The following DAB1 variants were observed in gnomAD, a reference collection of about 807,000 sequenced individuals.
DAB1 encodes the protein disabled homolog 1.
Under a neutral mutation model 64.6 loss-of-function variants are expected in DAB1, and 15 were observed. The ratio of observed to expected loss-of-function variants is 0.23; its 90% CI spans 0.16 to 0.36. The LOEUF (loss-of-function observed/expected upper bound fraction) is 0.36. DAB1 is among the 10% of genes least tolerant of loss of function. DAB1 has a pLI of 1.00. For synonymous variants in DAB1, 235 were observed against 251.9 expected (o/e 0.93, Z 0.64); for missense variants, 596 against 706.7 (o/e 0.84, Z 1.78).
intron 5 of DAB1, among the ~76,000 whole-genome samples, chr1:58,019,401 T>C (rs1045290321): frequency 6.6e-6 from 1 of 152,174 alleles, no homozygotes; most frequent in Non-Finnish European, 1.5e-5. Context: ...TACCTCATAA[T>C]AATGTGATCC....
At position 58,356,886 on chromosome 1, in the gene DAB1, ATGGTGGTGCATGCC is replaced by A. The variant is rs2100520777; in HGVS notation, n.258-13497_258-13484del. Among the ~76,000 whole-genome samples the A allele has an allele frequency of 1.3e-5, 2 of 151,962 alleles. 1 individual carries two copies. The highest frequency in any genetic ancestry group is 4.2e-4 in the South Asian group (2 of 4,800). On this transcript the variant is annotated intron_variant and non_coding_transcript_variant, in intron 3 of 20. Coordinates refer to the DAB1 transcript ENST00000485760. Reference sequence around the variant, plus strand: ...AAAAAATTTTAAAAATTAGCTGGGAATGGTGGTGCATGCCTGTAGTCCCAGCTACTCAGGAGCCT... The same window carrying A: ...AAAAAATTTTAAAAATTAGCTGGGAATGTAGTCCCAGCTACTCAGGAGCCT...
chr1:57,145,100 T>C (rs950249767), intron 3 of DAB1, among the ~76,000 whole-genome samples, 190 bp downstream of exon 3: 11 of 152,200 alleles, frequency 7.2e-5, no homozygotes, highest in African/African-American at 2.7e-4. Flanking sequence ...TATTTCCACA[T>C]AGTAGGTGCT....
At chr1:57,988,129 C>T (rs3558) in intron 5 of DAB1, among the ~76,000 whole-genome samples, 57,841 of 151,612 alleles carry the variant, frequency 0.38, 11,737 homozygotes, top group East Asian at 0.77. Flanking sequence ...GGAGGAGGTC[C>T]TGACCACATA....
At chr1:57,872,059 A>T (rs1369203086) in intron 1 of DAB1, among the ~76,000 whole-genome samples, 1 of 152,182 alleles carries the variant, frequency 6.6e-6, no homozygotes, top group Non-Finnish European at 1.5e-5. Context: ...CATAATCTAC[A>T]CTGTAGGATT....
intron 1 of DAB1, among the ~76,000 whole-genome samples, chr1:57,874,675 T>C (rs1367754070): frequency 6.6e-6 from 1 of 152,132 alleles, no homozygotes; most frequent in Non-Finnish European, 1.5e-5. Flanking sequence ...ATTTCTAACC[T>C]GTGAGTCAAA....
At chr1:57,153,119 G>A (rs1569617697) in intron 2 of DAB1, among the ~76,000 whole-genome samples, 3 of 152,048 alleles carry the variant, frequency 2.0e-5, no homozygotes, top group East Asian at 1.9e-4. Flanking sequence ...TCTGCCTCCC[G>A]GGTTCGAGCG....
In DAB1 at chr1:58,545,989, A is replaced by C. The variant is rs1056570204; in HGVS notation, n.32+714T>G. Among the ~76,000 whole-genome samples the C allele has an allele frequency of 8.5e-5, 13 of 152,286 alleles. No homozygotes were observed. The East Asian group carries it at 2.5e-3, about 29-fold the overall frequency. Reference sequence around the variant, plus strand: ...TTTTAGCGAGGGTTGCACGACCTTGATCAACGCCTGAATGCCAAATAAGGG... The same window carrying C: ...TTTTAGCGAGGGTTGCACGACCTTGCTCAACGCCTGAATGCCAAATAAGGG... On this transcript the variant is annotated intron_variant and non_coding_transcript_variant, in intron 1 of 20. Coordinates refer to the DAB1 transcript ENST00000485760.
At chr1:57,522,934 G>A (rs930101645) in intron 7 of DAB1, among the ~76,000 whole-genome samples, 1 of 152,114 alleles carries the variant, frequency 6.6e-6, no homozygotes, top group Non-Finnish European at 1.5e-5. Context: ...TGAACGCTTG[G>A]ACTTACACCA....
chr1:57,445,417 C>T (rs1686103421), intron 7 of DAB1, among the ~76,000 whole-genome samples: 2 of 152,176 alleles, frequency 1.3e-5, no homozygotes, highest in South Asian at 4.1e-4. Context: ...TATATAGTTC[C>T]CATACCAGCA....
chr1:57,468,588 T>C (rs997840627), intron 7 of DAB1, among the ~76,000 whole-genome samples: 1 of 152,144 alleles, frequency 6.6e-6, no homozygotes, highest in Non-Finnish European at 1.5e-5. Context: ...AGGGTTGGTA[T>C]GGCAGAGATG....
intron 3 of DAB1, among the ~76,000 whole-genome samples, chr1:58,366,751 A>G (rs10443248): frequency 0.093 from 14,189 of 152,240 alleles, 670 homozygotes; most frequent in Middle Eastern, 0.13. Flanking sequence ...GGTCCTTTGC[A>G]CTTCTTGTGT....
intron 5 of DAB1, among the ~76,000 whole-genome samples, chr1:57,986,679 G>T (rs1646226663): frequency 6.6e-6 from 1 of 152,142 alleles, no homozygotes; most frequent in Non-Finnish European, 1.5e-5. Context: ...AAACAGAACT[G>T]AAGGCTTCCT....
At chr1:57,875,773 G>A (rs140928785) in intron 1 of DAB1, among the ~76,000 whole-genome samples, 328 of 152,280 alleles carry the variant, frequency 2.2e-3, no homozygotes, top group African/African-American at 6.7e-3. Flanking sequence ...AAGCCATCAC[G>A]TTGGCCTGGG....
intron 7 of DAB1, 69 bp from the exon 8 acceptor site, chr1:57,069,494 A>ATCTT: frequency 7.6e-7 from 1 of 1,310,060 alleles, no homozygotes; most frequent in Non-Finnish European, 1.1e-6. Flanking sequence ...AAGCATTTGG[A>ATCTT]AATTAAGATA....
intron 8 of DAB1, among the ~76,000 whole-genome samples, chr1:57,068,191 T>G (rs1247258819): frequency 6.6e-6 from 1 of 152,240 alleles, no homozygotes; most frequent in Non-Finnish European, 1.5e-5. Context: ...GATTGGTTAA[T>G]GGTTTTTTCC....
At position 57,947,521 on chromosome 1, in the gene DAB1, A is replaced by T. The variant is rs552506070; in HGVS notation, n.388-63359T>A. 4.6e-5 allele frequency among the ~76,000 whole-genome samples: 7 copies of T among 152,304 alleles called. No homozygotes were observed. The South Asian group carries it at 1.0e-3, about 23-fold the overall frequency. Reference sequence around the variant, plus strand: ...CTAAATACCCAACAGCACTTCCCTCAGAAGTCATGACAACCAAAAGTATTC... The same window carrying T: ...CTAAATACCCAACAGCACTTCCCTCTGAAGTCATGACAACCAAAAGTATTC... On this transcript the variant is annotated intron_variant and non_coding_transcript_variant, in intron 5 of 20. Coordinates refer to the DAB1 transcript ENST00000485760.
At chr1:57,682,247 A>C (rs1160487430) in intron 6 of DAB1, among the ~76,000 whole-genome samples, 1 of 151,946 alleles carries the variant, frequency 6.6e-6, no homozygotes, top group Non-Finnish European at 1.5e-5. Flanking sequence ...CTTTAAAAAA[A>C]TGGGTAAAAA....
At chr1:58,482,953 A>G (rs1645514755) in intron 3 of DAB1, among the ~76,000 whole-genome samples, 1 of 152,174 alleles carries the variant, frequency 6.6e-6, no homozygotes, top group East Asian at 1.9e-4. Context: ...AAGAATGAAA[A>G]TGGAGGCCCA....
intron 3 of DAB1, among the ~76,000 whole-genome samples, chr1:58,430,945 C>T (rs180778419): frequency 7.2e-5 from 11 of 152,316 alleles, no homozygotes; most frequent in South Asian, 6.2e-4. Flanking sequence ...CACAGGTGAA[C>T]GCAGATGCCA....
Sources: allele counts gnomAD v4.1 joint callset (sites outside exome capture counted in the v4.1 genomes callset), GRCh38; gene constraint gnomAD v4.1.1; transcripts MANE v1.5; gene names NCBI Gene and HGNC (gene_info 2026-07-23, HGNC 2026-07-21).